Variants in ROCK1 observed in about 807,000 individuals in gnomAD.
ROCK1 encodes rho-associated protein kinase 1.
Under a neutral mutation model 196.8 loss-of-function variants are expected in ROCK1, and 36 were observed. The ratio of observed to expected loss-of-function variants is 0.18; its 90% CI spans 0.14 to 0.24. ROCK1 has a LOEUF of 0.24. ROCK1 is among the 10% of genes least tolerant of loss of function. The pLI, the probability that ROCK1 is intolerant of heterozygous loss-of-function variation, is 1.00. For missense variants in ROCK1, 920 were observed against 1,562.0 expected, an observed-to-expected ratio of 0.59 and a Z score of 6.93; for synonymous variants, 443 against 515.9, an observed-to-expected ratio of 0.86 and a Z score of 1.91.
At chr18:20,981,318 C>T (rs556050377) in intron 21 of ROCK1, among the ~76,000 whole-genome samples, 15 of 151,840 alleles carry the variant, frequency 9.9e-5, no homozygotes, top group East Asian at 3.9e-4. Flanking sequence ...GGCGTGAACC[C>T]GGGAGGCAGA....
At chr18:21,109,770 T>C (rs1430492509) in intron 1 of ROCK1, among the ~76,000 whole-genome samples, 1 of 152,202 alleles carries the variant, frequency 6.6e-6, no homozygotes, top group Non-Finnish European at 1.5e-5. Context: ...TCTACATTAA[T>C]TTTCCTTTGA....
intron 19 of ROCK1, 54 bp downstream of exon 19, chr18:20,986,889 CATAACTT>C: frequency 7.1e-7 from 1 of 1,412,896 alleles, no homozygotes; most frequent in South Asian, 1.3e-5. Context: ...TAACTCCAGT[CATAACTT>C]ATATAACCGT....
intron 13 of ROCK1, among the ~76,000 whole-genome samples, chr18:21,008,600 A>C (rs560742010): frequency 6.6e-6 from 1 of 152,290 alleles, no homozygotes; most frequent in African/African-American, 2.4e-5. Context: ...CACAACTTAA[A>C]AATGTACCTT....
chr18:21,057,868 AC>A (rs2036257021), intron 2 of ROCK1, among the ~76,000 whole-genome samples: 1 of 152,148 alleles, frequency 6.6e-6, no homozygotes, highest in African/African-American at 2.4e-5. Context: ...TCAACTTTAT[AC>A]CCAGTAAATT....
chr18:21,008,855 C>A (rs1159190620), intron 13 of ROCK1, among the ~76,000 whole-genome samples: 2 of 152,170 alleles, frequency 1.3e-5, no homozygotes, highest in Non-Finnish European at 2.9e-5. Context: ...CCCTTCCACT[C>A]AGCTTCCCCC....
At chr18:21,001,120 T>A (rs372031671) in intron 16 of ROCK1, among the ~76,000 whole-genome samples, 88 of 152,298 alleles carry the variant, frequency 5.8e-4, no homozygotes, top group African/African-American at 2.0e-3. Context: ...TACTGACACA[T>A]GCTACAATAT....
At chr18:21,064,120 CAACCCATT>C in intron 2 of ROCK1, among the ~76,000 whole-genome samples, 1 of 151,720 alleles carries the variant, frequency 6.6e-6, no homozygotes, top group South Asian at 2.1e-4. Flanking sequence ...TTTTAATATC[CAACCCATT>C]AACCCAAAAG....
chr18:21,010,739 T>C (rs547020766), intron 13 of ROCK1, among the ~76,000 whole-genome samples: 2 of 152,340 alleles, frequency 1.3e-5, no homozygotes, highest in East Asian at 3.9e-4. Flanking sequence ...GCTGACAGTG[T>C]AGTTGAGTTC....
chr18:21,110,240 C>A (rs781109882), intron 1 of ROCK1, among the ~76,000 whole-genome samples: 1 of 152,146 alleles, frequency 6.6e-6, no homozygotes. Flanking sequence ...TAAGTTAACA[C>A]TGTAATTACC....
chr18:21,003,227 G>A (rs2035741038), intron 16 of ROCK1, among the ~76,000 whole-genome samples: 1 of 151,878 alleles, frequency 6.6e-6, no homozygotes, highest in South Asian at 2.1e-4. Context: ...GCCACTCACA[G>A]GACGAAAAAA....
At position 21,028,844 on chromosome 18, in the gene ROCK1, G is replaced by A; in HGVS notation, c.1143C>T (p.Phe381=). The change falls in exon 10 of 33, where the codon TTC becomes TTT. Residue 381 remains phenylalanine, a synonymous_variant. Coordinates refer to ENST00000399799, the MANE Select transcript of ROCK1 (RefSeq NM_005406.3). ...TGCCAACGAAAGCTTTAGGAATAGG[G>A]AATGTTTCTTCCTCTCCTTTATCTT... ...LEEDKGEEET[F]PIPKAFVGNQ... The A allele has an allele frequency of 1.2e-6, 2 of 1,612,502 alleles. No individual in the cohort carries two copies. The highest frequency in any genetic ancestry group is 1.7e-6 in the Non-Finnish European group (2 of 1,179,430).
In ROCK1 at chr18:21,067,308, ATATTCTAG is replaced by A. The variant is rs573903891; in HGVS notation, c.175+3216_175+3223del. On this transcript the variant is annotated intron_variant, in intron 2 of 32. Transcript: ENST00000399799. The stretch of plus-strand genomic sequence containing the variant: ...TTATTGAGTTGTTACACTTGTTTAT[ATATTCTAG>A]ATACCAGTCCTTTATTGGACATATG... Among the ~76,000 whole-genome samples, 582 of 151,096 alleles carry A rather than the reference ATATTCTAG, an allele frequency of 3.9e-3. 2 individuals are homozygous for A. Among genetic ancestry groups the A allele is most frequent in the Non-Finnish European group, 4.7e-3 (316 of 67,796 alleles).
At chr18:21,033,854 T>TAAAAAAAAAAAAAAA (rs71269004) in intron 9 of ROCK1, among the ~76,000 whole-genome samples, 7 of 33,464 alleles carry the variant, frequency 2.1e-4, no homozygotes, top group African/African-American at 5.4e-4. Context: ...CCGTTTCTAC[T>TAAAAAAAAAAAAAAA]AAAAAAAAAA....
chr18:21,045,169 G>T, intron 5 of ROCK1, 123 bp downstream of exon 5: 1 of 880,544 alleles, frequency 1.1e-6, no homozygotes, highest in South Asian at 1.9e-5. Context: ...AGAGTCTTGA[G>T]TTCTGAAAGG....
chr18:20,973,911 G>A (rs1459237417), intron 22 of ROCK1, among the ~76,000 whole-genome samples: 1 of 151,280 alleles, frequency 6.6e-6, no homozygotes. Context: ...CTCCCGAGTA[G>A]CTGGGACTAC....
In ROCK1 at chr18:20,967,031, A is replaced by G. The variant is rs1490229747; in HGVS notation, c.3238T>C (p.Leu1080=). 4 of 1,613,248 alleles carry G rather than the reference A, an allele frequency of 2.5e-6. No individual in the cohort carries two copies. The highest frequency in any genetic ancestry group is 2.2e-5 in the East Asian group (1 of 44,856). Residue 1080 remains leucine, a synonymous_variant, in exon 27 of 33, where the codon TTG becomes CTG. Transcript: ENST00000399799. ...CAHRNELQMQ[L]ASKESDIEQL... ...TCAATATCACTCTCTTTGCTGGCCAACTGCATCTGAAGCTCATTCCTATGT... is the reference window on the plus strand; with the variant it reads ...TCAATATCACTCTCTTTGCTGGCCAGCTGCATCTGAAGCTCATTCCTATGT...
intron 1 of ROCK1, among the ~76,000 whole-genome samples, chr18:21,096,345 C>T (rs1387259865): frequency 4.6e-5 from 7 of 152,046 alleles, no homozygotes; most frequent in East Asian, 1.9e-4. Flanking sequence ...GGATTACAGG[C>T]GCCTGCCACT....
chr18:21,013,428 G>A (rs1179137271), intron 13 of ROCK1, among the ~76,000 whole-genome samples: 4 of 152,188 alleles, frequency 2.6e-5, no homozygotes, highest in Non-Finnish European at 5.9e-5. Context: ...AGTGCACCAT[G>A]GCTGCTCCTT....
chr18:20,984,637 T>G, intron 19 of ROCK1, 102 bp from the exon 20 acceptor site: 1 of 791,784 alleles, frequency 1.3e-6, no homozygotes, highest in Non-Finnish European at 1.9e-6. Flanking sequence ...TAATTCATGG[T>G]ACTAGTAGAA....
Sources: gnomAD v4.1 joint callset for allele counts (sites outside exome capture counted in the v4.1 genomes callset) on GRCh38, gnomAD v4.1.1 for gene constraint, MANE v1.5 for transcripts, NCBI Gene and HGNC (gene_info 2026-07-23, HGNC 2026-07-21) for gene names.